The following DAB1 variants were observed in gnomAD, a reference collection of about 807,000 sequenced individuals.
DAB1 encodes DAB adaptor protein 1.
Under a neutral mutation model 64.6 loss-of-function variants are expected in DAB1, and 15 were observed. That is an observed-to-expected ratio of 0.23 (90% confidence interval 0.16 to 0.36). The LOEUF (loss-of-function observed/expected upper bound fraction) is 0.36. Ranked by LOEUF, DAB1 falls within the 10% of genes least tolerant of loss-of-function variation. The pLI is 1.00. For synonymous variants in DAB1, 235 were observed against 251.9 expected (o/e 0.93, Z 0.64); for missense variants, 596 against 706.7 (o/e 0.84, Z 1.78).
Position 57,522,694 on chromosome 1 carries a change from G to A in DAB1, n.625+126898C>T, listed in dbSNP as rs141993220. ...AGGATGCAAAGTATTGTTCCTGGGT[G>A]TGTCTGTGAGCTGTTGCCAAAGGAG... On this transcript the variant is annotated intron_variant and non_coding_transcript_variant, in intron 7 of 20. Coordinates refer to the DAB1 transcript ENST00000485760. Among the ~76,000 whole-genome samples, 122 of 152,298 alleles carry A rather than the reference G, an allele frequency of 8.0e-4. 1 individual carries two copies. The East Asian group carries it at 0.02, about 25-fold the overall frequency.
chr1:57,121,855 T>C lies in DAB1; in HGVS notation c.306+14688A>G, dbSNP rs576598301. On this transcript the variant is annotated intron_variant, in intron 4 of 14. Coordinates refer to ENST00000371236, the MANE Select transcript of DAB1 (RefSeq NM_001365792.1). ...GCAGCAAACCACCATGGCACATGTG[T>C]ACCTGTGTAACAGATCCACATGTTC... Among the ~76,000 whole-genome samples, 27 of 152,084 alleles carry C rather than the reference T, an allele frequency of 1.8e-4. No individual in the cohort carries two copies. The South Asian group carries it at 5.4e-3, about 30-fold the overall frequency.
At chr1:57,632,019 T>C (rs1013304235) in intron 7 of DAB1, among the ~76,000 whole-genome samples, 5 of 152,204 alleles carry the variant, frequency 3.3e-5, no homozygotes, top group Non-Finnish European at 7.3e-5. Flanking sequence ...AAATATTCCA[T>C]TGTAGGCTTC....
chr1:58,261,569 T>C (rs984660722), intron 4 of DAB1, among the ~76,000 whole-genome samples: 15 of 152,094 alleles, frequency 9.9e-5, no homozygotes, highest in African/African-American at 3.6e-4. Flanking sequence ...GAAAAAGTAC[T>C]TTAATTCCCC....
At chr1:58,365,256 G>A (rs940164583) in intron 3 of DAB1, among the ~76,000 whole-genome samples, 1 of 152,122 alleles carries the variant, frequency 6.6e-6, no homozygotes, top group African/African-American at 2.4e-5. Context: ...CAAGTCAACA[G>A]AACACAAAGT....
At position 57,757,220 on chromosome 1, in the gene DAB1, T is replaced by TTTTTTTTTTTTTTTTTTTTTTTTTTTTG. The variant is rs200688727; in HGVS notation, n.552-107556_552-107555insCAAAAAAAAAAAAAAAAAAAAAAAAAAA. Reference sequence around the variant, plus strand: ...AGAATTTTTTTTTTTTTTTTTTTTTTAGCAGCAATGATGGAGGCTAACAGC... The same window carrying TTTTTTTTTTTTTTTTTTTTTTTTTTTTG: ...AGAATTTTTTTTTTTTTTTTTTTTTTTTTTTTTTTTTTTTTTTTTTTTTTTTTGAGCAGCAATGATGGAGGCTAACAGC... On this transcript the variant is annotated intron_variant and non_coding_transcript_variant, in intron 6 of 20. Transcript: ENST00000485760. 3.5e-3 allele frequency among the ~76,000 whole-genome samples: 420 copies of TTTTTTTTTTTTTTTTTTTTTTTTTTTTG among 120,110 alleles called. 53 individuals carry two copies. Among genetic ancestry groups the TTTTTTTTTTTTTTTTTTTTTTTTTTTTG allele is most frequent in the Middle Eastern group, 8.8e-3 (2 of 226 alleles). 78.8% of individuals were successfully genotyped at this position (120,110 alleles called of 152,430 possible).
At chr1:58,017,749 CTCAG>C (rs1368207247) in intron 5 of DAB1, among the ~76,000 whole-genome samples, 1 of 152,158 alleles carries the variant, frequency 6.6e-6, no homozygotes, top group Non-Finnish European at 1.5e-5. Context: ...CTGAGCGGTG[CTCAG>C]TGAGTGGCAG....
At chr1:58,315,428 T>C (rs1662535728) in intron 4 of DAB1, among the ~76,000 whole-genome samples, 1 of 152,166 alleles carries the variant, frequency 6.6e-6, no homozygotes, top group South Asian at 2.1e-4. Context: ...GGAGTGTGTG[T>C]TTTCAGTTTT....
rs865887830 is a variant in DAB1, at chr1:57,605,207, G to A, written n.625+44385C>T. Reference sequence around the variant, plus strand: ...CATGCCTAGTGGAGCATCTATCACCGTTGGCCTGCTCCCAGAGTTATTTAT... The same window carrying A: ...CATGCCTAGTGGAGCATCTATCACCATTGGCCTGCTCCCAGAGTTATTTAT... On this transcript the variant is annotated intron_variant and non_coding_transcript_variant, in intron 7 of 20. Transcript: ENST00000485760. Among the ~76,000 whole-genome samples the A allele has an allele frequency of 7.9e-5, 12 of 152,214 alleles. No homozygotes were observed. The South Asian group carries it at 8.3e-4, about 11-fold the overall frequency.
At chr1:57,605,137 C>T (rs1279621286) in intron 7 of DAB1, among the ~76,000 whole-genome samples, 1 of 152,086 alleles carries the variant, frequency 6.6e-6, no homozygotes, top group Non-Finnish European at 1.5e-5. Context: ...ACAATGAATC[C>T]TGAGTTGAAA....
intron 3 of DAB1, among the ~76,000 whole-genome samples, chr1:58,499,218 C>T (rs1192056000): frequency 6.7e-6 from 1 of 149,622 alleles, no homozygotes; most frequent in Non-Finnish European, 1.5e-5. Context: ...ATAATGATTA[C>T]CACAGGCTGG....
At chr1:57,612,536 G>A (rs941694017) in intron 7 of DAB1, among the ~76,000 whole-genome samples, 1 of 152,018 alleles carries the variant, frequency 6.6e-6, no homozygotes, top group Admixed American at 6.6e-5. Context: ...TATGCTGCTG[G>A]ACTTGAACAT....
At chr1:58,077,532 C>T (rs1408418975) in intron 5 of DAB1, among the ~76,000 whole-genome samples, 2 of 152,148 alleles carry the variant, frequency 1.3e-5, no homozygotes, top group African/African-American at 4.8e-5. Flanking sequence ...AGAGAAACAC[C>T]AGCAGAACAA....
At chr1:57,024,666 TCTTTCTTTCCCCTTTGTGAC>T (rs1325645954) in intron 10 of DAB1, among the ~76,000 whole-genome samples, 1 of 152,182 alleles carries the variant, frequency 6.6e-6, no homozygotes, top group Non-Finnish European at 1.5e-5. Context: ...TCAGTGCTGT[TCTTTCTTTCCCCTTTGTGAC>T]CTTGGGTGAG....
chr1:58,420,771 T>C (rs771487781), intron 3 of DAB1, among the ~76,000 whole-genome samples: 14 of 152,140 alleles, frequency 9.2e-5, no homozygotes, highest in Non-Finnish European at 1.5e-4. Context: ...CAGATGGTCA[T>C]TTTCTTCCCT....
chr1:58,236,265 C>A (rs144713285), intron 4 of DAB1, among the ~76,000 whole-genome samples: 156 of 152,262 alleles, frequency 1.0e-3, no homozygotes, highest in African/African-American at 3.7e-3. Context: ...CGGTTGGATT[C>A]TCCCATGCAT....
chr1:58,305,830 C>G (rs947943517), intron 4 of DAB1, among the ~76,000 whole-genome samples: 1 of 152,168 alleles, frequency 6.6e-6, no homozygotes, highest in Non-Finnish European at 1.5e-5. Flanking sequence ...ATGCCTTGAA[C>G]AGGCCACATG....
chr1:57,415,554 T>C (rs761127135), intron 1 of DAB1, among the ~76,000 whole-genome samples: 10 of 152,168 alleles, frequency 6.6e-5, no homozygotes, highest in Non-Finnish European at 1.3e-4. Flanking sequence ...ATAAATAACC[T>C]TTTTGCATTT....
chr1:57,635,782 C>T (rs1042711102), intron 7 of DAB1, among the ~76,000 whole-genome samples: 2 of 151,896 alleles, frequency 1.3e-5, no homozygotes, highest in Non-Finnish European at 2.9e-5. Flanking sequence ...GGTTGGGGAC[C>T]GCTGCTCTAA....
At chr1:57,689,746 A>G (rs919101395) in intron 6 of DAB1, among the ~76,000 whole-genome samples, 2 of 152,222 alleles carry the variant, frequency 1.3e-5, no homozygotes, top group Admixed American at 1.3e-4. Context: ...ACAAGCATTT[A>G]TCTTTGTGTT....
Sources: allele counts gnomAD v4.1 joint callset (sites outside exome capture counted in the v4.1 genomes callset), GRCh38; gene constraint gnomAD v4.1.1; transcripts MANE v1.5; gene names NCBI Gene and HGNC (gene_info 2026-07-23, HGNC 2026-07-21).